TPRG1: variants seen among roughly 807,000 people sequenced by gnomAD.
The protein encoded by TPRG1 is tumor protein p63 regulated 1, also known as tumor protein p63-regulated gene 1 protein.
In TPRG1, 29 loss-of-function variants were observed where a neutral mutation model predicts 29.3. The observed-to-expected ratio is 0.99, with a 90% CI of 0.74 to 1.35. TPRG1 has a LOEUF of 1.35. Among genes scored for constraint, TPRG1 ranks in the 40% most tolerant of loss-of-function variants. The pLI is 0.00. For synonymous variants in TPRG1, 130 were observed against 116.8 expected (o/e 1.11, Z -0.73); for missense variants, 327 against 335.0 (o/e 0.98, Z 0.19).
intron 3 of TPRG1, chr3:189,219,548 A>T: frequency 8.1e-7 from 1 of 1,228,854 alleles, no homozygotes; most frequent in Non-Finnish European, 1.0e-6. Flanking sequence ...ATTTTAAAAA[A>T]ACTATGTGTT....
At chr3:189,272,766 T>C (rs1715451549) in intron 4 of TPRG1, among the ~76,000 whole-genome samples, 1 of 150,472 alleles carries the variant, frequency 6.6e-6, no homozygotes, top group Non-Finnish European at 1.5e-5. Context: ...CTTCCTTCCT[T>C]CCTTCCTTCC....
rs189102634 is a variant in TPRG1 at position 189,294,248 on chromosome 3, G to A, written c.480-16138G>A. ...TAAAAGGGAAGAGATCAGGAATCAA[G>A]TACTTAGATACCATGTCACCTCTGC... is the stretch of plus-strand genomic sequence containing the variant. On this transcript the variant is annotated intron_variant, in intron 4 of 5. Coordinates refer to ENST00000345063, the MANE Select transcript of TPRG1 (RefSeq NM_198485.4). Among the ~76,000 whole-genome samples, 200 of 152,214 alleles carry A rather than the reference G, an allele frequency of 1.3e-3. No homozygotes were observed. In the Middle Eastern group the frequency reaches 0.014, roughly 10 times the overall value.
Position 189,322,680 on chromosome 3 carries a change from GT to G in TPRG1, c.*1862del, listed in dbSNP as rs1560706702. The G allele has an allele frequency of 6.6e-6, 1 of 152,548 alleles. No homozygotes were observed. Among genetic ancestry groups the G allele is most frequent in the Non-Finnish European group, 1.5e-5 (1 of 68,032 alleles). 9.4% of individuals were successfully genotyped at this position (152,548 alleles called of 1,614,324 possible). A position where few individuals can be genotyped will look rare whatever the true frequency, so the allele number is the denominator to read the frequency against. On this transcript the variant is annotated 3_prime_UTR_variant, in exon 6 of 6. Transcript: ENST00000345063. ...TGAAATGTCCAGCACATTCTTTTGA[GT>G]TACCATTTAAGGATCAGCCTGACAA...
intron 1 of TPRG1, 90 bp downstream of exon 1, chr3:189,172,221 T>A (rs1728898161): frequency 6.6e-6 from 1 of 152,332 alleles, no homozygotes; most frequent in Admixed American, 6.5e-5. Context: ...GAGTTTCTGG[T>A]CACCTCCCCC....
intron 3 of TPRG1, among the ~76,000 whole-genome samples, chr3:189,007,204 AAAAC>A (rs1261891848): frequency 1.3e-5 from 2 of 152,088 alleles, no homozygotes; most frequent in African/African-American, 2.4e-5. Context: ...TTACAAGAAA[AAAAC>A]AAACAACCCC....
chr3:189,089,378 G>A (rs1718189526), intron 4 of TPRG1, among the ~76,000 whole-genome samples: 1 of 151,970 alleles, frequency 6.6e-6, no homozygotes, highest in South Asian at 2.1e-4. Flanking sequence ...TATCCAATTT[G>A]TCTAGATTTT....
chr3:189,024,473 C>A (rs1386412865), intron 4 of TPRG1, among the ~76,000 whole-genome samples: 3 of 152,186 alleles, frequency 2.0e-5, no homozygotes, highest in African/African-American at 7.2e-5. Context: ...GGCTGGAAGC[C>A]CTGGCTGGGA....
intron 3 of TPRG1, among the ~76,000 whole-genome samples, chr3:189,021,837 G>C (rs1166750124): frequency 6.6e-6 from 1 of 152,110 alleles, no homozygotes; most frequent in Non-Finnish European, 1.5e-5. Flanking sequence ...TTTCCAACTT[G>C]GTTCCATTCT....
At chr3:189,116,127 A>G (rs968478455) in intron 1 of TPRG1, among the ~76,000 whole-genome samples, 2 of 152,064 alleles carry the variant, frequency 1.3e-5, no homozygotes, top group Non-Finnish European at 2.9e-5. Flanking sequence ...CAGCAATTCT[A>G]CTTTTGGATA....
chr3:189,213,998 T>C (rs533057093), intron 2 of TPRG1, among the ~76,000 whole-genome samples: 185 of 152,316 alleles, frequency 1.2e-3, no homozygotes, highest in Non-Finnish European at 2.4e-3. Flanking sequence ...GAACACTTTA[T>C]AGATATGTCA....
At chr3:189,166,909 G>A (rs1232901963) in intron 5 of TPRG1, among the ~76,000 whole-genome samples, 1 of 152,116 alleles carries the variant, frequency 6.6e-6, no homozygotes, top group Admixed American at 6.5e-5. Context: ...CTGAACTGGG[G>A]GTGGGACTCT....
intron 4 of TPRG1, among the ~76,000 whole-genome samples, chr3:189,274,867 T>C (rs1486351079): frequency 6.6e-6 from 1 of 152,060 alleles, no homozygotes; most frequent in Non-Finnish European, 1.5e-5. Context: ...GCTTTTTTTT[T>C]CTTATAAAAA....
At chr3:189,273,498 G>A (rs1272116759) in intron 4 of TPRG1, among the ~76,000 whole-genome samples, 2 of 152,200 alleles carry the variant, frequency 1.3e-5, no homozygotes, top group African/African-American at 4.8e-5. Flanking sequence ...GTGACAGGAA[G>A]TTGTAGACTC....
In TPRG1 at chr3:189,039,486, G is replaced by A. The variant is rs187999920; in HGVS notation, c.-463+15540G>A. ...GATGAGGGCAACGTTTAACTGAAAG[G>A]GGAAAATGATACAATATAGGTTTCA... On this transcript the variant is annotated intron_variant, in intron 4 of 10. Transcript: ENST00000433971. Among the ~76,000 whole-genome samples, 163 of 152,212 alleles carry A rather than the reference G, an allele frequency of 1.1e-3. 1 individual carries two copies. Among genetic ancestry groups the A allele is most frequent in the African/African-American group, 3.8e-3 (158 of 41,524 alleles).
chr3:189,199,854 G>A (rs750090575), intron 1 of TPRG1, among the ~76,000 whole-genome samples: 52 of 151,972 alleles, frequency 3.4e-4, no homozygotes, highest in Non-Finnish European at 5.9e-4. Context: ...CACTGCAGCC[G>A]GGGCAACAGT....
At chr3:189,160,643 G>C (rs1044496897) in intron 5 of TPRG1, among the ~76,000 whole-genome samples, 12 of 152,154 alleles carry the variant, frequency 7.9e-5, no homozygotes, top group African/African-American at 2.9e-4. Context: ...ACTAGGCTTG[G>C]TGGCGGCTAC....
chr3:189,208,083 G>T (rs719406), intron 2 of TPRG1, among the ~76,000 whole-genome samples: 69,138 of 152,094 alleles, frequency 0.45, 17,066 homozygotes, highest in African/African-American at 0.65. Flanking sequence ...AACCTACAGC[G>T]ACCAGCTGGA....
At chr3:189,295,496 CAAAAAAAAAAAAAAA>C (rs368195264) in intron 4 of TPRG1, among the ~76,000 whole-genome samples, 2 of 85,516 alleles carry the variant, frequency 2.3e-5, no homozygotes, top group Non-Finnish European at 4.3e-5. Flanking sequence ...ACTCAGATTG[CAAAAAAAAAAAAAAA>C]AAAAAAAAAA....
rs947678354 is a variant in TPRG1 at position 189,072,398 on chromosome 3, T to A, written c.-463+48452T>A. ...AGCTGTTCTTTGTTTTTTATATTAT[T>A]GATAATTTTGAAAAACAAAGCTCAG... On this transcript the variant is annotated intron_variant, in intron 4 of 10. Coordinates refer to the TPRG1 transcript ENST00000433971. Among the ~76,000 whole-genome samples the A allele has an allele frequency of 7.2e-5, 11 of 152,188 alleles. 1 individual carries two copies. Among genetic ancestry groups the A allele is most frequent in the African/African-American group, 2.7e-4 (11 of 41,448 alleles).
Sources: gnomAD v4.1 joint callset for allele counts (sites outside exome capture counted in the v4.1 genomes callset) on GRCh38, gnomAD v4.1.1 for gene constraint, MANE v1.5 for transcripts, NCBI Gene and HGNC (gene_info 2026-07-23, HGNC 2026-07-21) for gene names.